LNX1: variants seen among roughly 807,000 people sequenced by gnomAD.
LNX1 encodes the protein ligand of numb-protein X 1.
In LNX1, 54 loss-of-function variants were observed where a neutral mutation model predicts 68.4. The ratio of observed to expected loss-of-function variants is 0.79; its 90% CI spans 0.63 to 0.99. LNX1 has a LOEUF of 0.99. LNX1 is among the 50% of genes least tolerant of loss of function. LNX1 has a pLI of 0.00. For missense variants in LNX1, 906 were observed against 926.4 expected (o/e 0.98, Z 0.29); for synonymous variants, 336 against 350.0 (o/e 0.96, Z 0.45).
At chr4:53,527,944 G>A (rs1727742589) in intron 2 of LNX1, among the ~76,000 whole-genome samples, 3 of 152,158 alleles carry the variant, frequency 2.0e-5, no homozygotes, top group South Asian at 4.1e-4. Flanking sequence ...GTCTAATAAA[G>A]TTTACTTTTT....
intron 9 of LNX1, among the ~76,000 whole-genome samples, chr4:53,466,144 T>C (rs1242705598): frequency 1.3e-4 from 5 of 37,206 alleles, no homozygotes; most frequent in Admixed American, 2.6e-4. Context: ...CAGCATAAAC[T>C]TTTTGTTTTA....
intron 1 of LNX1, among the ~76,000 whole-genome samples, chr4:53,629,184 G>A (rs1276872848): frequency 3.9e-5 from 6 of 152,022 alleles, no homozygotes; most frequent in Admixed American, 2.0e-4. Flanking sequence ...ACTGTCCACG[G>A]CAAATATACA....
chr4:53,524,304 C>T (rs1727458882), intron 2 of LNX1: 1 of 152,088 alleles, frequency 6.6e-6, no homozygotes, highest in South Asian at 2.1e-4. Context: ...CTAGAAATAA[C>T]CAAAGGCCCA....
At chr4:53,471,835 C>G (rs1233499175) in intron 9 of LNX1, among the ~76,000 whole-genome samples, 2 of 152,146 alleles carry the variant, frequency 1.3e-5, no homozygotes, top group Non-Finnish European at 1.5e-5. Flanking sequence ...AGTCAGGAAA[C>G]AACAGGTGCT....
At chr4:53,579,004 A>C (rs924850249) in intron 1 of LNX1, among the ~76,000 whole-genome samples, 3 of 152,138 alleles carry the variant, frequency 2.0e-5, no homozygotes, top group African/African-American at 7.2e-5. Context: ...GTTTTCAGAC[A>C]TATCAGAGCC....
intron 1 of LNX1, among the ~76,000 whole-genome samples, chr4:53,648,303 C>T (rs1456199744): frequency 6.6e-6 from 1 of 152,194 alleles, no homozygotes; most frequent in Non-Finnish European, 1.5e-5. Flanking sequence ...AGTAGCCATG[C>T]TAATGGGTGG....
chr4:53,645,315 C>T (rs1217053064), intron 1 of LNX1, among the ~76,000 whole-genome samples: 1 of 152,106 alleles, frequency 6.6e-6, no homozygotes, highest in Non-Finnish European at 1.5e-5. Flanking sequence ...TGGTCACCAG[C>T]CTGGAGTTTG....
intron 1 of LNX1, chr4:53,576,070 C>T (rs1731469869): frequency 2.6e-6 from 4 of 1,559,196 alleles, no homozygotes; most frequent in East Asian, 2.3e-5. Context: ...CTGCATCCCC[C>T]AAGACCTGGT....
chr4:53,518,312 A>T (rs1726946371), intron 2 of LNX1, among the ~76,000 whole-genome samples: 1 of 152,216 alleles, frequency 6.6e-6, no homozygotes, highest in African/African-American at 2.4e-5. Context: ...GGCATGAGAC[A>T]CACTGGCTAG....
chr4:53,541,540 A>G (rs1320558972), intron 2 of LNX1, among the ~76,000 whole-genome samples: 2 of 151,738 alleles, frequency 1.3e-5, no homozygotes, highest in Non-Finnish European at 2.9e-5. Context: ...AACCATTTAT[A>G]TCAAATGGAA....
chr4:53,507,783 A>G (rs994835357), intron 3 of LNX1, among the ~76,000 whole-genome samples: 1 of 152,190 alleles, frequency 6.6e-6, no homozygotes, highest in African/African-American at 2.4e-5. Flanking sequence ...CCCTTTCACC[A>G]AGTCAGATTA....
At chr4:53,634,510 C>T (rs1734393626) in intron 1 of LNX1, among the ~76,000 whole-genome samples, 1 of 152,146 alleles carries the variant, frequency 6.6e-6, no homozygotes, top group Non-Finnish European at 1.5e-5. Context: ...TCCCAAAGTG[C>T]TGGGATTACA....
chr4:53,588,061 A>G (rs993152129), intron 1 of LNX1, among the ~76,000 whole-genome samples: 2 of 152,224 alleles, frequency 1.3e-5, no homozygotes, highest in African/African-American at 4.8e-5. Flanking sequence ...ACTGTAAGCA[A>G]TATAAAAATG....
intron 1 of LNX1, among the ~76,000 whole-genome samples, chr4:53,623,073 G>A (rs1411568036): frequency 1.3e-5 from 2 of 152,102 alleles, no homozygotes; most frequent in Non-Finnish European, 2.9e-5. Flanking sequence ...TTTCAAAATG[G>A]TGGGCTGATG....
At chr4:53,490,953 C>T (rs1453544153) in intron 6 of LNX1, among the ~76,000 whole-genome samples, 1 of 152,124 alleles carries the variant, frequency 6.6e-6, no homozygotes, top group Non-Finnish European at 1.5e-5. Context: ...TTATAAAGCA[C>T]GTTGGCTTTG....
chr4:53,597,813 A>T (rs1397582716), intron 2 of LNX1, among the ~76,000 whole-genome samples: 1 of 152,150 alleles, frequency 6.6e-6, no homozygotes, highest in East Asian at 1.9e-4. Context: ...TTCTCAAACT[A>T]TCCTGAACCT....
At chr4:53,534,335 T>C (rs1276257691) in intron 2 of LNX1, among the ~76,000 whole-genome samples, 5 of 152,088 alleles carry the variant, frequency 3.3e-5, no homozygotes, top group African/African-American at 7.2e-5. Context: ...CATAAATTGA[T>C]ATAAGGAGAG....
intron 2 of LNX1, among the ~76,000 whole-genome samples, chr4:53,537,905 A>C (rs1577679225): frequency 6.6e-6 from 1 of 152,320 alleles, no homozygotes; most frequent in East Asian, 1.9e-4. Flanking sequence ...GAGGTCAGTG[A>C]CCTGAGTGAG....
At chr4:53,567,319 C>T (rs1376893188) in intron 2 of LNX1, among the ~76,000 whole-genome samples, 1 of 147,610 alleles carries the variant, frequency 6.8e-6, no homozygotes, top group Non-Finnish European at 1.5e-5. Flanking sequence ...TGCAATCAAA[C>T]TAGAACTCAG....
Sources: allele counts gnomAD v4.1 joint callset (sites outside exome capture counted in the v4.1 genomes callset), GRCh38; gene constraint gnomAD v4.1.1; transcripts MANE v1.5; gene names NCBI Gene and HGNC (gene_info 2026-07-23, HGNC 2026-07-21).